CMSS1: variants seen among roughly 807,000 people sequenced by gnomAD.
The protein encoded by CMSS1 is cms1 ribosomal small subunit homolog, also known as protein CMSS1.
A neutral mutation model predicts 43.5 loss-of-function variants in CMSS1; 33 were observed. That is an observed-to-expected ratio of 0.76 (90% CI 0.57 to 1.01). The LOEUF is 1.01. Among genes scored for constraint, CMSS1 ranks in the 50% least tolerant of loss-of-function variants. The pLI, the probability that CMSS1 is intolerant of heterozygous loss-of-function variation, is 0.00. For missense variants in CMSS1, 313 were observed against 326.4 expected (o/e 0.96, Z 0.32); for synonymous variants, 115 against 117.2 (o/e 0.98, Z 0.12).
chr3:100,157,893 C>T (rs1378982070), intron 2 of CMSS1, among the ~76,000 whole-genome samples: 1 of 152,154 alleles, frequency 6.6e-6, no homozygotes, highest in Non-Finnish European at 1.5e-5. Context: ...ACCCTTTACT[C>T]TCTGTAGTAC....
At chr3:99,966,919 T>C (rs1021424693) in intron 1 of CMSS1, among the ~76,000 whole-genome samples, 1 of 152,054 alleles carries the variant, frequency 6.6e-6, no homozygotes, top group African/African-American at 2.4e-5. Context: ...TGGGTGAAAA[T>C]AGATGGAGTA....
chr3:100,090,980 G>A (rs1305412966), intron 1 of CMSS1, among the ~76,000 whole-genome samples: 1 of 152,162 alleles, frequency 6.6e-6, no homozygotes, highest in Non-Finnish European at 1.5e-5. Flanking sequence ...TTTGGAAAAT[G>A]TCATTCCTGA....
chr3:99,833,476 G>A (rs1942771070), intron 1 of CMSS1, among the ~76,000 whole-genome samples: 1 of 152,172 alleles, frequency 6.6e-6, no homozygotes, highest in South Asian at 2.1e-4. Flanking sequence ...CAGTTCTATA[G>A]CCCAATTTCT....
Position 99,885,378 on chromosome 3 carries a change from A to G in CMSS1, c.64+67335A>G, listed in dbSNP as rs149683698. ...GCATTCTAAGATTTATAGAAGTACAAACTTATCTTATTATTGCTAATTTGT... is the reference window on the plus strand; with the variant it reads ...GCATTCTAAGATTTATAGAAGTACAGACTTATCTTATTATTGCTAATTTGT... On this transcript the variant is annotated intron_variant, in intron 1 of 9. Transcript: ENST00000421999. 6.7e-3 allele frequency among the ~76,000 whole-genome samples: 1,026 copies of G among 152,306 alleles called. 3 individuals carry two copies. Among genetic ancestry groups the G allele is most frequent in the African/African-American group, 8.5e-3 (355 of 41,566 alleles).
chr3:100,078,797 C>T (rs1212910770), intron 1 of CMSS1, among the ~76,000 whole-genome samples: 1 of 151,930 alleles, frequency 6.6e-6, no homozygotes, highest in Non-Finnish European at 1.5e-5. Context: ...AGGCTAAGGC[C>T]GGAAAATCCC....
intron 1 of CMSS1, among the ~76,000 whole-genome samples, chr3:99,822,438 T>TA (rs1942455929): frequency 6.6e-6 from 1 of 152,066 alleles, no homozygotes; most frequent in Non-Finnish European, 1.5e-5. Context: ...CAGGTAATAA[T>TA]ACCAGCTTGC....
intron 2 of CMSS1, among the ~76,000 whole-genome samples, chr3:100,149,746 C>T (rs918985683): frequency 3.9e-5 from 6 of 152,156 alleles, no homozygotes; most frequent in African/African-American, 1.2e-4. Context: ...GTCTCCACAG[C>T]GCCTGACATG....
Position 99,930,289 on chromosome 3 carries a change from AT to A in CMSS1, c.64+112247del, listed in dbSNP as rs142325608. 7.2e-5 allele frequency among the ~76,000 whole-genome samples: 11 copies of A among 152,342 alleles called. No homozygotes were observed. In the East Asian group the frequency reaches 2.1e-3, roughly 29 times the overall value. On this transcript the variant is annotated intron_variant, in intron 1 of 9. Transcript: ENST00000421999. ...TTTTTATTATGTTTGACAAGCAGAT[AT>A]CATGATATCCATCAATGTACTAGCA... is the stretch of plus-strand genomic sequence containing the variant.
At chr3:100,127,124 A>G (rs1015083220) in intron 1 of CMSS1, among the ~76,000 whole-genome samples, 8 of 152,258 alleles carry the variant, frequency 5.3e-5, no homozygotes, top group African/African-American at 1.9e-4. Context: ...GACGTCCAGC[A>G]TATTTGTGGG....
chr3:99,914,966 CA>C (rs1450763489), intron 1 of CMSS1, among the ~76,000 whole-genome samples: 1 of 152,166 alleles, frequency 6.6e-6, no homozygotes, highest in Non-Finnish European at 1.5e-5. Flanking sequence ...ATAAAAACTG[CA>C]ATGTATGAAT....
At chr3:100,154,409 T>G (rs966617933) in intron 2 of CMSS1, among the ~76,000 whole-genome samples, 3 of 152,162 alleles carry the variant, frequency 2.0e-5, no homozygotes, top group African/African-American at 7.2e-5. Context: ...TGTCAGATCT[T>G]TTTCCTATAT....
intron 1 of CMSS1, among the ~76,000 whole-genome samples, chr3:99,948,018 A>G (rs1473378361): frequency 3.3e-5 from 5 of 150,622 alleles, no homozygotes; most frequent in African/African-American, 4.9e-5. Context: ...CTGTGTAGAC[A>G]ATGGTGGTGG....
chr3:99,977,781 C>G (rs1039334791), intron 1 of CMSS1, among the ~76,000 whole-genome samples: 1 of 152,156 alleles, frequency 6.6e-6, no homozygotes, highest in Non-Finnish European at 1.5e-5. Flanking sequence ...CCTTCATAAA[C>G]TAGTTAACTT....
intron 1 of CMSS1, among the ~76,000 whole-genome samples, chr3:99,858,336 G>T (rs968619314): frequency 2.0e-5 from 3 of 151,806 alleles, no homozygotes; most frequent in Admixed American, 2.0e-4. Flanking sequence ...ATGGTGGCAC[G>T]TGCCTGTGGT....
At chr3:99,849,943 C>T in intron 1 of CMSS1, 1 of 1,613,084 alleles carries the variant, frequency 6.2e-7, no homozygotes, top group Non-Finnish European at 8.5e-7. Flanking sequence ...GAGATCATTT[C>T]CTTTCTCTTC....
intron 1 of CMSS1, among the ~76,000 whole-genome samples, chr3:100,092,423 G>C (rs1474104120): frequency 1.3e-5 from 2 of 151,844 alleles, no homozygotes; most frequent in African/African-American, 4.8e-5. Flanking sequence ...TGAGAAGTTT[G>C]GCTTTTTTTT....
At chr3:99,904,966 A>AATTGTTCTCTC (rs1706564700) in intron 1 of CMSS1, among the ~76,000 whole-genome samples, 2 of 152,218 alleles carry the variant, frequency 1.3e-5, no homozygotes, top group Non-Finnish European at 1.5e-5. Flanking sequence ...ATTCTGAAGA[A>AATTGTTCTCTC]ATTGTTCTCT....
intron 3 of CMSS1, among the ~76,000 whole-genome samples, chr3:100,161,613 A>G (rs2067024331): frequency 6.6e-6 from 1 of 152,216 alleles, no homozygotes; most frequent in Admixed American, 6.5e-5. Flanking sequence ...TTGGTGGAAC[A>G]TTAGAAGGAA....
At chr3:100,035,465 G>T (rs2065092101) in intron 1 of CMSS1, among the ~76,000 whole-genome samples, 1 of 152,092 alleles carries the variant, frequency 6.6e-6, no homozygotes, top group Admixed American at 6.6e-5. Context: ...TAGAGACAGG[G>T]TTTCACCATG....
Sources: gnomAD v4.1 joint callset for allele counts (sites outside exome capture counted in the v4.1 genomes callset) on GRCh38, gnomAD v4.1.1 for gene constraint, MANE v1.5 for transcripts, NCBI Gene and HGNC (gene_info 2026-07-23, HGNC 2026-07-21) for gene names.